MYT1: variants seen among roughly 807,000 people sequenced by gnomAD.
The protein encoded by MYT1 is myelin transcription factor I.
A neutral mutation model predicts 123.0 loss-of-function variants in MYT1; 23 were observed. That is an observed-to-expected ratio of 0.19 (90% CI 0.13 to 0.26). MYT1 has a LOEUF of 0.26. MYT1 is among the 10% of genes least tolerant of loss of function. The pLI, the probability that MYT1 is intolerant of heterozygous loss-of-function variation, is 1.00. For synonymous variants in MYT1, 518 were observed against 575.3 expected (o/e 0.90, Z 1.43); for missense variants, 1,125 against 1,472.5 (o/e 0.76, Z 3.86).
chr20:64,233,838 G>A (rs751189032), intron 19 of MYT1, among the ~76,000 whole-genome samples: 15 of 152,142 alleles, frequency 9.9e-5, no homozygotes, highest in Non-Finnish European at 1.2e-4. Context: ...AGCCTGGCCC[G>A]CTGGACAAGG....
intron 1 of MYT1, among the ~76,000 whole-genome samples, chr20:64,179,991 C>T (rs1429332346): frequency 1.3e-5 from 2 of 148,930 alleles, no homozygotes; most frequent in South Asian, 2.1e-4. Context: ...CACACAGTTA[C>T]ACACATACGC....
rs753331891 is a variant in MYT1 at position 64,208,172 on chromosome 20, C to G, written c.976C>G (p.Pro326Ala). ...CTCTCACACCTCTGCCCAGAAGGCC[C>G]CTGAGCTCCGGGGCCCAGAATCACC... is the stretch of plus-strand genomic sequence containing the variant. ...DTSHTSAQKA[P>A]ELRGPESPSP... Residue 326 changes from proline (P) to alanine (A), a missense_variant, in exon 7 of 23, where the codon CCT becomes GCT. By Grantham distance (27) the Pro-to-Ala change is conservative. Transcript: ENST00000328439. This position sits in a 1 kb window ranked among gnomAD's most constrained non-coding sequence, Gnocchi z 5.4. The G allele has an allele frequency of 6.2e-7, 1 of 1,613,836 alleles. No homozygotes were observed. Among genetic ancestry groups the G allele is most frequent in the East Asian group, 2.2e-5 (1 of 44,874 alleles).
chr20:64,176,990 C>T (rs2145692985), intron 1 of MYT1, among the ~76,000 whole-genome samples: 1 of 152,356 alleles, frequency 6.6e-6, no homozygotes, highest in South Asian at 2.1e-4. Flanking sequence ...ATAAGAAAGA[C>T]TCAGCCACAG....
Position 64,185,743 on chromosome 20 carries a change from G to T in MYT1, c.-98-4320G>T, listed in dbSNP as rs980485829. 6.6e-6 allele frequency among the ~76,000 whole-genome samples: 1 copy of T among 152,232 alleles called. No individual in the cohort carries two copies. The highest frequency in any genetic ancestry group is 2.4e-5 in the African/African-American group (1 of 41,464). On this transcript the variant is annotated intron_variant, in intron 1 of 22. Coordinates refer to ENST00000328439, the MANE Select transcript of MYT1 (RefSeq NM_004535.3). This position sits in a 1 kb window ranked among gnomAD's most constrained non-coding sequence, Gnocchi z 4.5. ...CAGGGGGTCCCCCATGGGGTTGTGCGTGGAGTGGCCACAGTGCCAGTGCAA... is the reference window on the plus strand; with the variant it reads ...CAGGGGGTCCCCCATGGGGTTGTGCTTGGAGTGGCCACAGTGCCAGTGCAA...
rs1280085787 is a variant in MYT1 at position 64,192,771 on chromosome 20, A to T, written c.-1+2611A>T. ...CCTTCTTCCTGCCACCCAGGGCAGG[A>T]GGTGCCTCTGGCAAGGACTACTGGA... On this transcript the variant is annotated intron_variant, in intron 2 of 22. Transcript: ENST00000328439. This position sits in a 1 kb window ranked among gnomAD's most constrained non-coding sequence, Gnocchi z 5.3. Among the ~76,000 whole-genome samples, 2 of 152,222 alleles carry T rather than the reference A, an allele frequency of 1.3e-5. No homozygotes were observed. Among genetic ancestry groups the T allele is most frequent in the African/African-American group, 4.8e-5 (2 of 41,466 alleles).
chr20:64,177,683 C>CAGGGGTGGGGACATGA (rs1352886839), intron 1 of MYT1, among the ~76,000 whole-genome samples: 1 of 151,856 alleles, frequency 6.6e-6, no homozygotes, highest in African/African-American at 2.4e-5. Context: ...TACCCCTCTC[C>CAGGGGTGGGGACATGA]GGAGCTAGTG....
intron 2 of MYT1, among the ~76,000 whole-genome samples, chr20:64,198,414 CTGAGTCT>C (rs1396082777): frequency 5.4e-4 from 82 of 151,270 alleles, no homozygotes; most frequent in African/African-American, 1.9e-3. Context: ...CCGCTGGTGG[CTGAGTCT>C]GTGGTGAGCG....
intron 1 of MYT1, among the ~76,000 whole-genome samples, chr20:64,187,219 G>A (rs990962954): frequency 6.9e-6 from 1 of 144,850 alleles, no homozygotes; most frequent in Non-Finnish European, 1.5e-5. Context: ...GTAGCCCGTG[G>A]CCCCGGCATC....
intron 19 of MYT1, among the ~76,000 whole-genome samples, chr20:64,233,217 CCCTTTCCT>C (rs1984382236): frequency 1.0e-5 from 1 of 97,552 alleles, no homozygotes; most frequent in Non-Finnish European, 2.1e-5. Context: ...CTATCCCTCC[CCCTTTCCT>C]TCTTTCCCCT....
Position 64,240,637 on chromosome 20 carries a change from T to A in MYT1, c.*189T>A, listed in dbSNP as rs567383628. On this transcript the variant is annotated 3_prime_UTR_variant, in exon 23 of 23. Transcript: ENST00000328439. The stretch of plus-strand genomic sequence containing the variant: ...GAGGCTCCCTCCAGGCTTGGGGCCG[T>A]GGTGGCCCTATCTGTGTGCATAGGG... 1.3e-5 allele frequency: 9 copies of A among 697,390 alleles called. No individual in the cohort carries two copies. In the East Asian group the frequency reaches 2.3e-4, roughly 18 times the overall value. 43.2% of individuals were successfully genotyped at this position (697,390 alleles called of 1,614,324 possible).
Position 64,208,304 on chromosome 20 carries a change from C to G in MYT1, c.1108C>G (p.Gln370Glu). 1 of 1,614,158 alleles carries G rather than the reference C, an allele frequency of 6.2e-7. No individual in the cohort carries two copies. ...AACAGTCACTGACGAGTCGGAGATG[C>G]AGGACATGATGACCCGGGGAAACCT... ...KSTVTDESEM[Q>E]DMMTRGNLGL... The change falls in exon 7 of 23, where the codon CAG (glutamine) becomes GAG (glutamate). Residue 370 changes from glutamine (Q) to glutamate (E), a missense_variant. Physicochemically the swap from Gln to Glu is conservative, Grantham distance 29. Coordinates refer to ENST00000328439, the MANE Select transcript of MYT1 (RefSeq NM_004535.3). This position sits in a 1 kb window ranked among gnomAD's most constrained non-coding sequence, Gnocchi z 5.4.
chr20:64,227,137 T>C (rs896287444), intron 16 of MYT1, among the ~76,000 whole-genome samples: 3 of 152,256 alleles, frequency 2.0e-5, no homozygotes, highest in Admixed American at 2.0e-4. Flanking sequence ...AAACCGATGC[T>C]GGAGCAGCAG....
At position 64,213,278 on chromosome 20, in the gene MYT1, G is replaced by T. The variant is rs920694988; in HGVS notation, c.1518-256G>T. Among the ~76,000 whole-genome samples the T allele has an allele frequency of 6.6e-6, 1 of 152,210 alleles. No homozygotes were observed. The highest frequency in any genetic ancestry group is 6.5e-5 in the Admixed American group (1 of 15,286). On this transcript the variant is annotated intron_variant, in intron 9 of 22. Transcript: ENST00000328439. The surrounding 1 kb of genome is among the most constrained non-coding windows in gnomAD (Gnocchi z 5.6). ...CCTTTAGGATATATTTCATCTTTGT[G>T]TGTCCTTGGCATAGAATGTTCCAAA...
At chr20:64,217,028 C>T (rs1983857352) in intron 10 of MYT1, 39 bp from the exon 11 acceptor site, 2 of 1,578,592 alleles carry the variant, frequency 1.3e-6, no homozygotes, top group South Asian at 2.2e-5. Context: ...ATCCCCAGGT[C>T]CCATCTCACT....
rs940119864 is a variant in MYT1, at chr20:64,232,156, G to A, written c.2676-8G>A. ...CCCCTGTACTCACCCCGGCCTCTCT[G>A]TACCCAGGTGCCCAGTTCCAGGCTG... is the stretch of plus-strand genomic sequence containing the variant. On this transcript the variant is annotated splice_polypyrimidine_tract_variant and splice_region_variant and intron_variant, in intron 18 of 22. Transcript: ENST00000328439. The surrounding 1 kb of genome is among the most constrained non-coding windows in gnomAD (Gnocchi z 6.9). 3 of 1,612,620 alleles carry A rather than the reference G, an allele frequency of 1.9e-6. No individual in the cohort carries two copies. The highest frequency in any genetic ancestry group is 3.3e-5 in the Admixed American group (2 of 60,016).
chr20:64,221,235 C>G (rs914699623), intron 13 of MYT1, among the ~76,000 whole-genome samples: 4 of 152,154 alleles, frequency 2.6e-5, no homozygotes, highest in African/African-American at 9.7e-5. Flanking sequence ...ATTTTGAGCT[C>G]TGGTTACAGC....
chr20:64,219,571 C>G, intron 12 of MYT1, 142 bp from the exon 13 acceptor site: 1 of 735,376 alleles, frequency 1.4e-6, no homozygotes, highest in Admixed American at 3.0e-5. Flanking sequence ...TTTTTTCCCT[C>G]TCGCTGCCTG....
chr20:64,181,009 C>T (rs1982639634), intron 1 of MYT1, among the ~76,000 whole-genome samples: 1 of 152,292 alleles, frequency 6.6e-6, no homozygotes, highest in Admixed American at 6.5e-5. Flanking sequence ...AGAGGACATG[C>T]CCTGAAGTTG....
chr20:64,169,878 G>T (rs1257611376), intron 1 of MYT1, among the ~76,000 whole-genome samples: 3 of 152,160 alleles, frequency 2.0e-5, no homozygotes, highest in African/African-American at 7.2e-5. Context: ...GGACACTGAG[G>T]CTGGGAGGCA....
Sources: allele counts gnomAD v4.1 joint callset (sites outside exome capture counted in the v4.1 genomes callset), GRCh38; gene constraint gnomAD v4.1.1; non-coding constraint Gnocchi (gnomAD v3.1); transcripts MANE v1.5; gene names NCBI Gene and HGNC (gene_info 2026-07-23, HGNC 2026-07-21).